CHCT1: variants seen among roughly 807,000 people sequenced by gnomAD.
CHCT1 encodes the protein CHD1 helical C-terminal domain containing protein 1.
At chr17:60,421,562 G>A in the CHCT1 span, 6 of 985,486 alleles carry the variant, frequency 6.1e-6, no homozygotes, top group Non-Finnish European at 7.2e-6. Flanking sequence ...CTAGTTTCAG[G>A]GAAGAAAAGG....
At chr17:60,427,039 C>T in the CHCT1 span, among the ~76,000 whole-genome samples, 2 of 152,176 alleles carry the variant, frequency 1.3e-5, no homozygotes, top group African/African-American at 2.4e-5. Flanking sequence ...ATTTGATGCA[C>T]GGGCAAGCCC....
At chr17:60,421,878 C>T in the CHCT1 span, 3 of 985,326 alleles carry the variant, frequency 3.0e-6, no homozygotes, top group Admixed American at 1.2e-4. Context: ...GGGACTTGCC[C>T]GCGTCTCAGC....
chr17:60,427,052 G>A, the CHCT1 span, among the ~76,000 whole-genome samples: 2 of 152,198 alleles, frequency 1.3e-5, no homozygotes, highest in African/African-American at 4.8e-5. Context: ...GCAAGCCCGG[G>A]AAAGTTCTTG....
chr17:60,429,097 AC>A, the CHCT1 span, among the ~76,000 whole-genome samples: 2 of 152,162 alleles, frequency 1.3e-5, no homozygotes, highest in African/African-American at 4.8e-5. Flanking sequence ...TTGCAAAAAA[AC>A]AATAAGACAC....
At chr17:60,426,170 T>A in the CHCT1 span, 1 of 1,551,584 alleles carries the variant, frequency 6.4e-7, no homozygotes, top group East Asian at 2.4e-5. Flanking sequence ...GTGTAAAGAA[T>A]ACCTAAGACC....
chr17:60,430,518 C>T, the CHCT1 span, among the ~76,000 whole-genome samples: 1 of 152,096 alleles, frequency 6.6e-6, no homozygotes, highest in Non-Finnish European at 1.5e-5. Context: ...TCTCACTCTG[C>T]GGCCCAAGCT....
the CHCT1 span, chr17:60,422,692 G>C: frequency 2.3e-5 from 35 of 1,499,534 alleles, no homozygotes; most frequent in Non-Finnish European, 2.9e-5. Flanking sequence ...CGGAGGGGCT[G>C]GTTTTGGAAA....
chr17:60,421,989 CCAAAA>C, the CHCT1 span: 228 of 970,724 alleles, frequency 2.3e-4, no homozygotes, highest in Non-Finnish European at 2.8e-4. Context: ...TTATACACCC[CCAAAA>C]CACACACATC....
chr17:60,423,214 C>T, the CHCT1 span, among the ~76,000 whole-genome samples: 4 of 148,816 alleles, frequency 2.7e-5, no homozygotes, highest in South Asian at 8.5e-4. Context: ...TTTTTTGAGA[C>T]AGAGTCTCAC....
chr17:60,421,730 C>T, the CHCT1 span: 2 of 794,180 alleles, frequency 2.5e-6, no homozygotes, highest in Non-Finnish European at 3.1e-6. Context: ...ACTCAGACTA[C>T]ACCCGGACTC....
At chr17:60,422,747 G>T in the CHCT1 span, 111 of 1,233,230 alleles carry the variant, frequency 9.0e-5, 2 homozygotes, top group South Asian at 1.6e-3. Context: ...ACAATGATAG[G>T]GTACCTGAGA....
At chr17:60,426,128 C>A in the CHCT1 span, 1 of 1,546,066 alleles carries the variant, frequency 6.5e-7, no homozygotes, top group South Asian at 1.2e-5. Flanking sequence ...TCTTTTCTCC[C>A]ATGGCCCCTC....
the CHCT1 span, among the ~76,000 whole-genome samples, chr17:60,430,122 C>CCTTTT: frequency 3.1e-5 from 2 of 64,316 alleles, 1 homozygote; most frequent in African/African-American, 7.0e-5. Context: ...ACGCACCTGG[C>CCTTTT]TTTTTTTTTT....
chr17:60,429,553 G>C, the CHCT1 span: 1 of 1,613,954 alleles, frequency 6.2e-7, no homozygotes. Context: ...ACCATGTCAA[G>C]AAAGGTAATG....
At chr17:60,424,940 T>C in the CHCT1 span, among the ~76,000 whole-genome samples, 1 of 152,152 alleles carries the variant, frequency 6.6e-6, no homozygotes, top group Non-Finnish European at 1.5e-5. Context: ...GCTCGAACAT[T>C]ATGAAGCATT....
chr17:60,423,936 G>C, the CHCT1 span, among the ~76,000 whole-genome samples: 1 of 152,202 alleles, frequency 6.6e-6, no homozygotes, highest in Non-Finnish European at 1.5e-5. Context: ...GGTTTATTTG[G>C]CTCACAGTCC....
At chr17:60,426,164 A>T in the CHCT1 span, 1 of 1,551,610 alleles carries the variant, frequency 6.4e-7, no homozygotes, top group Non-Finnish European at 8.7e-7. Context: ...TCCTCAGTGT[A>T]AAGAATACCT....
At chr17:60,429,035 G>C in the CHCT1 span, among the ~76,000 whole-genome samples, 2 of 151,428 alleles carry the variant, frequency 1.3e-5, no homozygotes, top group African/African-American at 4.9e-5. Flanking sequence ...AACGAGTAAG[G>C]CTCCCAATTT....
the CHCT1 span, chr17:60,426,360 T>C: frequency 6.5e-7 from 1 of 1,533,256 alleles, no homozygotes; most frequent in Non-Finnish European, 8.8e-7. Flanking sequence ...TTTGCTCTGC[T>C]CCCCATACCT....
Sources: gnomAD v4.1 joint callset for allele counts (sites outside exome capture counted in the v4.1 genomes callset) on GRCh38, gnomAD v4.1.1 for gene constraint, MANE v1.5 for transcripts, NCBI Gene and HGNC (gene_info 2026-07-23, HGNC 2026-07-21) for gene names.